CD40: variants seen among roughly 807,000 people sequenced by gnomAD.
CD40 encodes the protein tumor necrosis factor receptor superfamily member 5.
Under a neutral mutation model 38.5 loss-of-function variants are expected in CD40, and 19 were observed. The ratio of observed to expected loss-of-function variants is 0.49; its 90% confidence interval spans 0.34 to 0.72. The LOEUF (loss-of-function observed/expected upper bound fraction) is 0.72. CD40 is among the 30% of genes least tolerant of loss of function. CD40 has a pLI of 0.01. For synonymous variants in CD40, 130 were observed against 128.7 expected (o/e 1.01, Z -0.07); for missense variants, 256 against 344.1 (o/e 0.74, Z 2.03).
Position 46,121,957 on chromosome 20 carries a change from C to T in CD40, c.130+59C>T, listed in dbSNP as rs952858244. 6 of 1,362,384 alleles carry T rather than the reference C, an allele frequency of 4.4e-6. No individual in the cohort carries two copies. In the African/African-American group the frequency reaches 8.6e-5, roughly 19 times the overall value. The allele number at this position is 1,362,384 out of a possible 1,614,324, so 84.4% of individuals were successfully genotyped here. On this transcript the variant is annotated intron_variant, in intron 2 of 8. Transcript: ENST00000372285. ...TCCCCCTTTGCTTTGGTGGCAGACG[C>T]AGACCCCATATGTTAACTGTAAACT...
intron 6 of CD40, chr20:46,127,040 C>T (rs967291618): frequency 7.7e-6 from 3 of 391,648 alleles, no homozygotes; most frequent in African/African-American, 6.2e-5. Flanking sequence ...CGCTAAATGA[C>T]CAGTTAATGG....
chr20:46,119,980 T>C (rs1428130439), intron 1 of CD40, among the ~76,000 whole-genome samples: 18 of 152,152 alleles, frequency 1.2e-4, no homozygotes. Flanking sequence ...TTTCCTATCT[T>C]TGGGAGTGTG....
chr20:46,127,989 G>A lies in CD40; in HGVS notation c.560-149G>A, dbSNP rs2085469502. The A allele has an allele frequency of 4.0e-6, 6 of 1,494,784 alleles. No individual in the cohort carries two copies. In the East Asian group the frequency reaches 1.5e-4, roughly 36 times the overall value. 92.6% of individuals were successfully genotyped at this position (1,494,784 alleles called of 1,614,324 possible). The stretch of plus-strand genomic sequence containing the variant: ...CTGGCTCCTTTAAAGACATCTGCCA[G>A]CCACATTTCCCCAAGGACCGCGGTT... On this transcript the variant is annotated intron_variant, in intron 6 of 8. Transcript: ENST00000372285.
intron 5 of CD40, among the ~76,000 whole-genome samples, chr20:46,123,800 G>A (rs536549984): frequency 1.2e-4 from 19 of 152,262 alleles, no homozygotes; most frequent in African/African-American, 4.3e-4. Flanking sequence ...ATGAGCGTTC[G>A]ACAGTTTCTT....
rs910523454 is a variant in CD40, at chr20:46,118,368, G to A, written c.25G>A (p.Val9Ile). 4.3e-6 allele frequency: 7 copies of A among 1,613,980 alleles called. No homozygotes were observed. The highest frequency in any genetic ancestry group is 5.1e-6 in the Non-Finnish European group (6 of 1,180,014). Residue 9 changes from valine to isoleucine, a missense_variant, in exon 1 of 9, where the codon GTC becomes ATC. By Grantham distance (29) the Val-to-Ile change is conservative. Transcript: ENST00000372285. ...TATGGTTCGTCTGCCTCTGCAGTGC[G>A]TCCTCTGGGGCTGCTTGCTGACCGC... MVRLPLQC[V>I]LWGCLLTAVH...
At chr20:46,120,872 C>T (rs2085304392) in intron 1 of CD40, among the ~76,000 whole-genome samples, 2 of 152,152 alleles carry the variant, frequency 1.3e-5, no homozygotes, top group South Asian at 4.1e-4. Context: ...TTAGATCAGC[C>T]TGGCCAACAT....
Position 46,122,823 on chromosome 20 carries a change from C to T in CD40, c.403+67C>T, listed in dbSNP as rs1406500509. The T allele has an allele frequency of 1.9e-6, 3 of 1,591,456 alleles. No individual in the cohort carries two copies. The highest frequency in any genetic ancestry group is 1.1e-5 in the South Asian group (1 of 89,624). ...GGAGCTTAGGGCCCAAGGTGAGGGG[C>T]TGGGCAGTGGGCACTTAGCCCCAGA... On this transcript the variant is annotated intron_variant, in intron 4 of 8. Coordinates refer to ENST00000372285, the MANE Select transcript of CD40 (RefSeq NM_001250.6). The surrounding 1 kb of genome is among the most constrained non-coding windows in gnomAD (Gnocchi z 5.0).
rs774097104 is a variant in CD40 at position 46,122,085 on chromosome 20, G to C, written c.131-148G>C. ...TGTCTACCCTGAACTAGGGATCCCA[G>C]CTTCTCCATCTTCCTCGCCTGATTA... On this transcript the variant is annotated intron_variant, in intron 2 of 8. Coordinates refer to ENST00000372285, the MANE Select transcript of CD40 (RefSeq NM_001250.6). The surrounding 1 kb of genome is among the most constrained non-coding windows in gnomAD (Gnocchi z 5.0). 5.0e-4 allele frequency: 570 copies of C among 1,132,916 alleles called. 2 individuals are homozygous for C. The Middle Eastern group carries it at 6.9e-3, about 14-fold the overall frequency. 70.2% of individuals were successfully genotyped at this position (1,132,916 alleles called of 1,614,324 possible).
chr20:46,128,567 G>A (rs2085485543), intron 8 of CD40: 3 of 716,664 alleles, frequency 4.2e-6, no homozygotes, highest in Middle Eastern at 4.6e-4. Flanking sequence ...CACTGGCAGA[G>A]CCTAACACTG....
At position 46,125,901 on chromosome 20, in the gene CD40, AAC is replaced by A. The variant is rs991590075; in HGVS notation, c.498-736_498-735del. 3.3e-5 allele frequency among the ~76,000 whole-genome samples: 5 copies of A among 152,228 alleles called. No homozygotes were observed. In the East Asian group the frequency reaches 7.7e-4, roughly 24 times the overall value. ...AAGACACAATTTTCCATAGTTTCCT[AAC>A]ACCATCCTGCATGCCACCTGCCTTA... On this transcript the variant is annotated intron_variant, in intron 5 of 8. Coordinates refer to ENST00000372285, the MANE Select transcript of CD40 (RefSeq NM_001250.6).
intron 5 of CD40, among the ~76,000 whole-genome samples, chr20:46,123,849 C>G (rs1010276051): frequency 2.0e-5 from 3 of 152,196 alleles, no homozygotes; most frequent in South Asian, 2.1e-4. Flanking sequence ...TGCTTCCTGT[C>G]TCTCTGTTGG....
At position 46,129,173 on chromosome 20, in the gene CD40, C is replaced by A. The variant is rs761892578; in HGVS notation, c.*133C>A. 3.1e-6 allele frequency: 3 copies of A among 983,198 alleles called. No individual in the cohort carries two copies. The highest frequency in any genetic ancestry group is 2.2e-4 in the Middle Eastern group (1 of 4,478). 60.9% of individuals were successfully genotyped at this position (983,198 alleles called of 1,614,324 possible). Reference sequence around the variant, plus strand: ...GCATAGCTCCCCGCTTCTGCCTGCACCCCTGCAGTTTGAGACAGGAGACCT... The same window carrying A: ...GCATAGCTCCCCGCTTCTGCCTGCAACCCTGCAGTTTGAGACAGGAGACCT... On this transcript the variant is annotated 3_prime_UTR_variant, in exon 9 of 9. Transcript: ENST00000372285.
rs763334863 is a variant in CD40, at chr20:46,122,641, C to T, written c.288C>T (p.Thr96=). The T allele has an allele frequency of 6.2e-7, 1 of 1,614,146 alleles. No individual in the cohort carries two copies. Among genetic ancestry groups the T allele is most frequent in the Non-Finnish European group, 8.5e-7 (1 of 1,180,032 alleles). ...NLGLRVQQKG[T]SETDTICTCE... is the part of the protein sequence containing the mutation. ...GGCTTCGGGTCCAGCAGAAGGGCACCTCAGAAACAGACACCATCTGCACCT... is the reference window on the plus strand; with the variant it reads ...GGCTTCGGGTCCAGCAGAAGGGCACTTCAGAAACAGACACCATCTGCACCT... The change falls in exon 4 of 9, where the codon ACC becomes ACT. Residue 96 remains threonine (T), a synonymous_variant. Transcript: ENST00000372285. The surrounding 1 kb of genome is among the most constrained non-coding windows in gnomAD (Gnocchi z 5.0).
chr20:46,119,012 T>G (rs1056869256), intron 1 of CD40, among the ~76,000 whole-genome samples: 3 of 152,054 alleles, frequency 2.0e-5, no homozygotes, highest in Non-Finnish European at 4.4e-5. Flanking sequence ...AGGAGACCCC[T>G]GGGGAGATGA....
intron 6 of CD40, chr20:46,127,934 G>A: frequency 2.1e-6 from 2 of 967,614 alleles, no homozygotes; most frequent in Non-Finnish European, 3.0e-6. Context: ...AAAAATGTCG[G>A]CAAATATTTC....
chr20:46,122,412 A>T lies in CD40; in HGVS notation c.256+54A>T. 1.9e-6 allele frequency: 3 copies of T among 1,612,728 alleles called. No homozygotes were observed. The highest frequency in any genetic ancestry group is 2.5e-6 in the Non-Finnish European group (3 of 1,179,334). ...TGGGAACCGGGCTGATATTCCCGACAATGCAGCCATTCTAATTTTATGTAG... is the reference window on the plus strand; with the variant it reads ...TGGGAACCGGGCTGATATTCCCGACTATGCAGCCATTCTAATTTTATGTAG... On this transcript the variant is annotated intron_variant, in intron 3 of 8. Coordinates refer to ENST00000372285, the MANE Select transcript of CD40 (RefSeq NM_001250.6). This position sits in a 1 kb window ranked among gnomAD's most constrained non-coding sequence, Gnocchi z 5.0.
Position 46,118,361 on chromosome 20 carries a change from G to A in CD40, c.18G>A (p.Leu6=). The part of the protein sequence containing the change: MVRLP[L]QCVLWGCLLT... Reference sequence around the variant, plus strand: ...ACCTCGCTATGGTTCGTCTGCCTCTGCAGTGCGTCCTCTGGGGCTGCTTGC... The same window carrying A: ...ACCTCGCTATGGTTCGTCTGCCTCTACAGTGCGTCCTCTGGGGCTGCTTGC... Residue 6 remains leucine, a synonymous_variant, in exon 1 of 9, where the codon CTG becomes CTA. Coordinates refer to ENST00000372285, the MANE Select transcript of CD40 (RefSeq NM_001250.6). 1 of 1,614,124 alleles carries A rather than the reference G, an allele frequency of 6.2e-7. No homozygotes were observed. The highest frequency in any genetic ancestry group is 2.2e-5 in the East Asian group (1 of 44,872).
rs1600657475 is a variant in CD40, at chr20:46,122,920, A to G, written c.403+164A>G. ...GTGAGCTGCAGACGGGACCTTGTTC[A>G]TTCTGCCTTCTGCCATGGGGATCTG... On this transcript the variant is annotated intron_variant, in intron 4 of 8. Coordinates refer to ENST00000372285, the MANE Select transcript of CD40 (RefSeq NM_001250.6). This position sits in a 1 kb window ranked among gnomAD's most constrained non-coding sequence, Gnocchi z 5.0. The G allele has an allele frequency of 1.0e-6, 1 of 981,244 alleles. No homozygotes were observed. Among genetic ancestry groups the G allele is most frequent in the South Asian group, 1.5e-5 (1 of 65,950 alleles). 60.8% of individuals were successfully genotyped at this position (981,244 alleles called of 1,614,324 possible).
chr20:46,128,174 C>T lies in CD40; in HGVS notation c.596C>T (p.Pro199Leu). The T allele has an allele frequency of 6.2e-7, 1 of 1,613,946 alleles. No individual in the cohort carries two copies. The highest frequency in any genetic ancestry group is 8.5e-7 in the Non-Finnish European group (1 of 1,180,004). ...QDRLRALVVI[P>L]IIFGILFAIL... is the part of the protein sequence containing the mutation. ...CGGCTGAGAGCCCTGGTGGTGATCC[C>T]CATCATCTTCGGGATCCTGTTTGCC... The change falls in exon 7 of 9, where the codon CCC becomes CTC. Residue 199 changes from proline to leucine, a missense_variant. Physicochemically the swap from Pro to Leu is moderately conservative, Grantham distance 98 (BLOSUM62 -3). Transcript: ENST00000372285.
Sources: gnomAD v4.1 joint callset for allele counts (sites outside exome capture counted in the v4.1 genomes callset) on GRCh38, gnomAD v4.1.1 for gene constraint, Gnocchi (gnomAD v3.1) non-coding constraint, MANE v1.5 for transcripts, NCBI Gene and HGNC (gene_info 2026-07-23, HGNC 2026-07-21) for gene names.